The following CIITA variants were observed in gnomAD, a reference collection of about 807,000 sequenced individuals.
CIITA encodes the protein MHC class II transactivator.
CIITA carries 72 observed loss-of-function variants against 115.1 expected under a neutral mutation model. The observed-to-expected ratio is 0.63, with a 90% CI of 0.52 to 0.76. The LOEUF is 0.76. Among genes scored for constraint, CIITA ranks in the 30% least tolerant of loss-of-function variants. The probability of loss-of-function intolerance (pLI) is 0.00; values close to 1 mark genes in which losing one functional copy is unlikely to be tolerated. For synonymous variants in CIITA, 763 were observed against 635.6 expected, an observed-to-expected ratio of 1.20 and a Z score of -3.02; for missense variants, 1,617 against 1,463.8, an observed-to-expected ratio of 1.10 and a Z score of -1.71.
intron 1 of CIITA, among the ~76,000 whole-genome samples, chr16:10,883,212 C>G (rs1256881972): frequency 6.6e-6 from 1 of 152,210 alleles, no homozygotes; most frequent in Non-Finnish European, 1.5e-5. Context: ...ATCACTCCAC[C>G]CCCTACCCCA....
intron 11 of CIITA, 96 bp downstream of exon 11, chr16:10,908,245 T>G: frequency 1.4e-6 from 2 of 1,407,266 alleles, no homozygotes; most frequent in Non-Finnish European, 9.8e-7. Context: ...TCTTTTAGTA[T>G]GCAGAGCAGC....
At chr16:10,889,759 T>C (rs1302388713) in intron 1 of CIITA, among the ~76,000 whole-genome samples, 2 of 152,176 alleles carry the variant, frequency 1.3e-5, no homozygotes, top group Non-Finnish European at 2.9e-5. Flanking sequence ...CCTCAAGTGA[T>C]CTGCCTGCCT....
At position 10,935,760 on chromosome 16, in the gene CIITA, T is replaced by A. The variant is rs1423215937; in HGVS notation, c.*11905T>A. The A allele has an allele frequency of 6.6e-6, 1 of 152,218 alleles. No individual in the cohort carries two copies. Among genetic ancestry groups the A allele is most frequent in the African/African-American group, 2.4e-5 (1 of 41,456 alleles). 9.4% of individuals were successfully genotyped at this position (152,218 alleles called of 1,614,324 possible). A position where few individuals can be genotyped will look rare whatever the true frequency, so the allele number is the denominator to read the frequency against. Reference sequence around the variant, plus strand: ...CAATATTCCTGCCAAGAATGCCTCATCTGAATCTAATCTCGAGTATAACCA... The same window carrying A: ...CAATATTCCTGCCAAGAATGCCTCAACTGAATCTAATCTCGAGTATAACCA... On this transcript the variant is annotated 3_prime_UTR_variant, in exon 20 of 20. Coordinates refer to ENST00000324288, the MANE Select transcript of CIITA (RefSeq NM_000246.4).
intron 3 of CIITA, among the ~76,000 whole-genome samples, chr16:10,896,522 G>T (rs1391055397): frequency 6.6e-6 from 1 of 152,082 alleles, no homozygotes; most frequent in Non-Finnish European, 1.5e-5. Flanking sequence ...TTTGTTTTTT[G>T]GGGGAGAGAC....
downstream of CIITA, chr16:10,937,383 C>G (rs2041043705): frequency 6.6e-6 from 1 of 152,516 alleles, no homozygotes; most frequent in South Asian, 2.1e-4. The surrounding 1 kb of genome is among the most constrained non-coding windows in gnomAD (Gnocchi z 4.2). Context: ...ACCTGGGCAG[C>G]TCTATGTCCG....
rs867354373 is a variant in CIITA at position 10,920,809 on chromosome 16, G to A, written c.3150-1358G>A. 1.3e-5 allele frequency among the ~76,000 whole-genome samples: 2 copies of A among 152,206 alleles called. No homozygotes were observed. Among genetic ancestry groups the A allele is most frequent in the Non-Finnish European group, 1.5e-5 (1 of 68,046 alleles). On this transcript the variant is annotated intron_variant, in intron 16 of 19. Transcript: ENST00000324288. The surrounding 1 kb of genome is among the most constrained non-coding windows in gnomAD (Gnocchi z 4.5). ...TCTAGTTTCTGCACTGGTACCGGCC[G>A]ACCCGTGATGTGAGTTGATTTAGCC...
At position 10,907,007 on chromosome 16, in the gene CIITA, A is replaced by C. The variant is rs1252780895; in HGVS notation, c.1515A>C (p.Glu505Asp). 1 of 1,609,882 alleles carries C rather than the reference A, an allele frequency of 6.2e-7. No homozygotes were observed. The highest frequency in any genetic ancestry group is 1.7e-5 in the Admixed American group (1 of 59,948). ...TCCTAGACGGCTTCGAGGAGCTGGA[A>C]GCGCAAGATGGCTTCCTGCACAGCA... The part of the protein sequence containing the change: ...LLILDGFEEL[E>D]AQDGFLHSTC... The change falls in exon 11 of 20, where the codon GAA becomes GAC. Residue 505 changes from glutamate to aspartate, a missense_variant. By Grantham distance (45) the Glu-to-Asp change is conservative. Coordinates refer to ENST00000324288, the MANE Select transcript of CIITA (RefSeq NM_000246.4). The surrounding 1 kb of genome is among the most constrained non-coding windows in gnomAD (Gnocchi z 5.0).
chr16:10,930,869 A>T lies in CIITA; in HGVS notation c.*7014A>T, dbSNP rs755862182. On this transcript the variant is annotated 3_prime_UTR_variant, in exon 20 of 20. Transcript: ENST00000324288. ...GTGCAGGCAGAGCTAATGTCTCTCCATAGCTGCCCTCCACCAGCCTGCTCC... is the reference window on the plus strand; with the variant it reads ...GTGCAGGCAGAGCTAATGTCTCTCCTTAGCTGCCCTCCACCAGCCTGCTCC... 1.3e-5 allele frequency: 2 copies of T among 152,248 alleles called. No individual in the cohort carries two copies. The highest frequency in any genetic ancestry group is 4.8e-5 in the African/African-American group (2 of 41,444). 9.4% of individuals were successfully genotyped at this position (152,248 alleles called of 1,614,324 possible).
Position 10,879,189 on chromosome 16 carries a change from C to G in CIITA, c.52+1807C>G, listed in dbSNP as rs983880054. On this transcript the variant is annotated intron_variant, in intron 1 of 19. Transcript: ENST00000324288. This position sits in a 1 kb window ranked among gnomAD's most constrained non-coding sequence, Gnocchi z 4.3. ...CAAAATGTAGGGCCGGGAAACACCT[C>G]GTTTCCAGCATCCCCGCAACGACTC... 4 of 177,484 alleles carry G rather than the reference C, an allele frequency of 2.3e-5. No homozygotes were observed. The highest frequency in any genetic ancestry group is 3.6e-5 in the Non-Finnish European group (3 of 82,564). 11.0% of individuals were successfully genotyped at this position (177,484 alleles called of 1,614,324 possible).
intron 1 of CIITA, among the ~76,000 whole-genome samples, chr16:10,870,849 C>T (rs76760479): frequency 1.3e-5 from 2 of 152,178 alleles, no homozygotes; most frequent in African/African-American, 4.8e-5. Context: ...CTGAGTCTAA[C>T]AGCAAGGAGA....
At chr16:10,884,701 G>A (rs1444038825) in intron 1 of CIITA, among the ~76,000 whole-genome samples, 1 of 152,148 alleles carries the variant, frequency 6.6e-6, no homozygotes, top group Non-Finnish European at 1.5e-5. Context: ...GATTACAGGT[G>A]TGATCTCAGA....
At chr16:10,868,556 C>A (rs2143181145) in intron 1 of CIITA, among the ~76,000 whole-genome samples, 1 of 152,258 alleles carries the variant, frequency 6.6e-6, no homozygotes, top group Admixed American at 6.5e-5. Context: ...GCATCTTTAC[C>A]ACCCAAACAT....
intron 15 of CIITA, chr16:10,916,740 C>T (rs2039974224): frequency 2.0e-6 from 1 of 490,712 alleles, no homozygotes; most frequent in South Asian, 2.1e-5. Context: ...AGCCATTCAT[C>T]CTTCCATTCA....
rs1044585158 is a variant in CIITA, at chr16:10,942,250, C to A, written n.1376C>A. 6 of 363,450 alleles carry A rather than the reference C, an allele frequency of 1.7e-5. No homozygotes were observed. The highest frequency in any genetic ancestry group is 4.3e-5 in the African/African-American group (2 of 46,080). The allele number at this position is 363,450 out of a possible 1,614,324, so 22.5% of individuals were successfully genotyped here. A position where few individuals can be genotyped will look rare whatever the true frequency, so the allele number is the denominator to read the frequency against. ...CCGCCCGGGCGGCGAGGCGGGCCCC[C>A]CTGAAGTGGCCCGCGGCTGCCCGGC... On this transcript the variant is annotated non_coding_transcript_exon_variant, in exon 2 of 2. Transcript: ENST00000573379. This position sits in a 1 kb window ranked among gnomAD's most constrained non-coding sequence, Gnocchi z 5.0.
chr16:10,909,361 G>A (rs192933579), intron 12 of CIITA, among the ~76,000 whole-genome samples, 174 bp downstream of exon 12: 12 of 152,326 alleles, frequency 7.9e-5, no homozygotes, highest in East Asian at 1.9e-4. Flanking sequence ...CTGCCCAGGC[G>A]GAGCCTCTAG....
At chr16:10,902,519 G>C (rs985933995) in intron 7 of CIITA, 139 bp from the exon 8 acceptor site, 13 of 1,064,474 alleles carry the variant, frequency 1.2e-5, no homozygotes, top group Non-Finnish European at 1.7e-5. Context: ...AATTCCATCA[G>C]GGCAGGACAG....
chr16:10,893,397 A>C (rs1251070663), intron 1 of CIITA, among the ~76,000 whole-genome samples: 1 of 152,176 alleles, frequency 6.6e-6, no homozygotes, highest in Admixed American at 6.5e-5. Flanking sequence ...CAAGAGCTAC[A>C]TGATCTTGAG....
At chr16:10,902,897 C>T (rs895271987) in intron 8 of CIITA, 96 bp downstream of exon 8, 2 of 1,423,698 alleles carry the variant, frequency 1.4e-6, no homozygotes, top group Non-Finnish European at 2.0e-6. Flanking sequence ...GGCAGTGGTG[C>T]CCTAGCACCT....
chr16:10,889,076 G>A (rs34033173), intron 1 of CIITA, among the ~76,000 whole-genome samples: 12,919 of 152,264 alleles, frequency 0.085, 743 homozygotes, highest in Non-Finnish European at 0.13. Flanking sequence ...AAGAGAGGCT[G>A]CCATGCGCAG....
Sources: allele counts gnomAD v4.1 joint callset (sites outside exome capture counted in the v4.1 genomes callset), GRCh38; gene constraint gnomAD v4.1.1; non-coding constraint Gnocchi (gnomAD v3.1); transcripts MANE v1.5; gene names NCBI Gene and HGNC (gene_info 2026-07-23, HGNC 2026-07-21).